The following PRSS12 variants were observed in gnomAD, a reference collection of about 807,000 sequenced individuals.
PRSS12 encodes the protein serine protease 12.
Under a neutral mutation model 104.4 loss-of-function variants are expected in PRSS12, and 85 were observed. The ratio of observed to expected loss-of-function variants is 0.81; its 90% CI spans 0.68 to 0.98. PRSS12 has a LOEUF of 0.98. Among genes scored for constraint, PRSS12 ranks in the 50% least tolerant of loss-of-function variants. The probability of loss-of-function intolerance (pLI) is 0.00; values close to 1 mark genes in which losing one functional copy is unlikely to be tolerated. For missense variants in PRSS12, 1,141 were observed against 1,139.2 expected (o/e 1.00, Z -0.02); for synonymous variants, 454 against 425.2 (o/e 1.07, Z -0.83).
At chr4:118,308,664 T>G in intron 7 of PRSS12, 87 bp from the exon 8 acceptor site, 1 of 1,524,634 alleles carries the variant, frequency 6.6e-7, no homozygotes, top group Non-Finnish European at 9.1e-7. Context: ...ACAATTGTTC[T>G]TTTTAATCAG....
At chr4:118,343,758 GA>G (rs1262712939) in intron 1 of PRSS12, among the ~76,000 whole-genome samples, 2 of 152,040 alleles carry the variant, frequency 1.3e-5, no homozygotes, top group Admixed American at 6.6e-5. Context: ...CCTGTGGGGG[GA>G]AAAAATGCAT....
Position 118,313,278 on chromosome 4 carries a change from C to A in PRSS12, c.1412G>T (p.Gly471Val). 6.2e-7 allele frequency: 1 copy of A among 1,614,104 alleles called. No individual in the cohort carries two copies. Among genetic ancestry groups the A allele is most frequent in the Non-Finnish European group, 8.5e-7 (1 of 1,180,016 alleles). Residue 471 changes from glycine to valine, a missense_variant, in exon 7 of 13, where the codon GGA (glycine) becomes GTA (valine). Physicochemically the swap from Gly to Val is moderately radical, Grantham distance 109 (BLOSUM62 -3). Transcript: ENST00000296498. ...RFLQCSRRQWGRHDCSHREDV... is the reference protein window; with the variant it reads ...RFLQCSRRQWVRHDCSHREDV... ...TTCGCGGTGGCTGCAGTCATGCCTT[C>A]CCCACTGTCGCCTGGAACACTGAAG... is the stretch of plus-strand genomic sequence containing the variant.
chr4:118,327,944 CATAA>C (rs1445825225), intron 4 of PRSS12, among the ~76,000 whole-genome samples: 13 of 152,306 alleles, frequency 8.5e-5, no homozygotes, highest in East Asian at 1.9e-4. Flanking sequence ...GACAGCATCT[CATAA>C]ATAAACTGTA....
intron 11 of PRSS12, among the ~76,000 whole-genome samples, chr4:118,292,832 T>C (rs1241269535): frequency 4.6e-5 from 7 of 152,020 alleles, no homozygotes; most frequent in Admixed American, 3.3e-4. Context: ...CTGGCCAACA[T>C]GGTAAAACCC....
rs1245504627 is a variant in PRSS12 at position 118,338,219 on chromosome 4, C to T, written c.598G>A (p.Asp200Asn). The part of the protein sequence containing the change: ...VWGTVCSSHW[D>N]DSDASVICHQ... ...CAAATGACTGATGCATCAGAATCAT[C>T]CCAGTGGCTGCTACAGACAGTGCCC... Residue 200 changes from aspartate (D) to asparagine (N), a missense_variant, in exon 2 of 13, where the codon GAT (aspartate) becomes AAT (asparagine). Coordinates refer to ENST00000296498, the MANE Select transcript of PRSS12 (RefSeq NM_003619.4). 18 of 1,613,922 alleles carry T rather than the reference C, an allele frequency of 1.1e-5. No individual in the cohort carries two copies. The highest frequency in any genetic ancestry group is 1.5e-5 in the Non-Finnish European group (18 of 1,179,956).
intron 11 of PRSS12, among the ~76,000 whole-genome samples, chr4:118,288,824 CTTAAT>C (rs1008553209): frequency 2.0e-5 from 3 of 152,156 alleles, no homozygotes; most frequent in Admixed American, 6.5e-5. Context: ...TACAAAAGAA[CTTAAT>C]TTAACAAAGT....
At chr4:118,318,834 T>C (rs148826069) in intron 4 of PRSS12, among the ~76,000 whole-genome samples, 216 of 152,318 alleles carry the variant, frequency 1.4e-3, no homozygotes, top group African/African-American at 4.7e-3. Context: ...ACAATGGCTA[T>C]CCAAAATTAA....
chr4:118,292,620 A>G (rs940781381), intron 11 of PRSS12, among the ~76,000 whole-genome samples: 15 of 152,176 alleles, frequency 9.9e-5, no homozygotes, highest in Non-Finnish European at 2.2e-4. Flanking sequence ...CTCAATAATT[A>G]TTTGTTAAGT....
At chr4:118,350,429 AT>A (rs1337986193) in intron 1 of PRSS12, among the ~76,000 whole-genome samples, 4 of 152,232 alleles carry the variant, frequency 2.6e-5, no homozygotes, top group African/African-American at 9.6e-5. Flanking sequence ...GGAGAAGTAA[AT>A]GATAGAATGA....
At chr4:118,348,429 C>T (rs905397737) in intron 1 of PRSS12, among the ~76,000 whole-genome samples, 1 of 152,150 alleles carries the variant, frequency 6.6e-6, no homozygotes, top group Non-Finnish European at 1.5e-5. Flanking sequence ...TTCTAATGCC[C>T]TTCCATGTGT....
intron 6 of PRSS12, among the ~76,000 whole-genome samples, chr4:118,314,309 CT>C (rs34959325): frequency 0.3 from 45,563 of 151,742 alleles, 7,222 homozygotes; most frequent in East Asian, 0.52. Context: ...GAATTTTCTT[CT>C]TTTTTTATGC....
At position 118,316,054 on chromosome 4, in the gene PRSS12, C is replaced by T. The variant is rs974949000; in HGVS notation, c.1292+128G>A. On this transcript the variant is annotated intron_variant, in intron 6 of 12. Transcript: ENST00000296498. ...AATGTCATTATTTTTCATTGTTGTA[C>T]TTCCATACACAGGTAGGAGAGAACA... 5 of 1,013,104 alleles carry T rather than the reference C, an allele frequency of 4.9e-6. No individual in the cohort carries two copies. The East Asian group carries it at 1.3e-4, about 27-fold the overall frequency. 62.8% of individuals were successfully genotyped at this position (1,013,104 alleles called of 1,614,324 possible). A position where few individuals can be genotyped will look rare whatever the true frequency, so the allele number is the denominator to read the frequency against.
rs1011589489 is a variant in PRSS12 at position 118,305,823 on chromosome 4, A to G, written c.1631+2613T>C. The G allele has an allele frequency of 6.6e-5, 10 of 151,938 alleles. No individual in the cohort carries two copies. The East Asian group carries it at 1.5e-3, about 23-fold the overall frequency. The allele number at this position is 151,938 out of a possible 1,614,324, so 9.4% of individuals were successfully genotyped here. On this transcript the variant is annotated intron_variant, in intron 8 of 12. Transcript: ENST00000296498. ...AATTTCCCATTTTCTTCTCCTCCCA[A>G]CCCCTGATAACCACCATTCTATTTC...
Position 118,352,665 on chromosome 4 carries a change from A to G in PRSS12, c.56T>C (p.Val19Ala), listed in dbSNP as rs772331683. The change falls in exon 1 of 13, where the codon GTC becomes GCC. Residue 19 changes from valine (V) to alanine (A), a missense_variant. Coordinates refer to ENST00000296498, the MANE Select transcript of PRSS12 (RefSeq NM_003619.4). ...ALMLGALPEV[V>A]GFDSVLNDSL... is the part of the protein sequence containing the mutation. ...ATCATTGAGGACAGAATCAAAGCCG[A>G]CCACTTCGGGGAGCGCCCCTAACAT... The G allele has an allele frequency of 5.0e-6, 8 of 1,613,228 alleles. No homozygotes were observed. Among genetic ancestry groups the G allele is most frequent in the Non-Finnish European group, 6.8e-6 (8 of 1,179,604 alleles).
intron 1 of PRSS12, among the ~76,000 whole-genome samples, chr4:118,347,672 T>C (rs1724392109): frequency 6.6e-6 from 1 of 152,106 alleles, no homozygotes; most frequent in Admixed American, 6.5e-5. Flanking sequence ...TATTGCAATC[T>C]ATCGTGTTTT....
At chr4:118,305,733 T>C (rs1743531601) in intron 8 of PRSS12, among the ~76,000 whole-genome samples, 1 of 152,172 alleles carries the variant, frequency 6.6e-6, no homozygotes, top group South Asian at 2.1e-4. Flanking sequence ...AGGTACTGTA[T>C]TGTACGGTAG....
chr4:118,307,878 G>T (rs1284252457), intron 8 of PRSS12, among the ~76,000 whole-genome samples: 1 of 151,286 alleles, frequency 6.6e-6, no homozygotes, highest in African/African-American at 2.4e-5. Flanking sequence ...GAAGTCATCA[G>T]CAAAGCAAGC....
At chr4:118,332,984 A>C (rs1229863951) in intron 3 of PRSS12, among the ~76,000 whole-genome samples, 1 of 152,168 alleles carries the variant, frequency 6.6e-6, no homozygotes, top group Non-Finnish European at 1.5e-5. Context: ...AGAGATTATC[A>C]AAAAACCCTA....
Position 118,297,928 on chromosome 4 carries a change from A to T in PRSS12, c.1837+805T>A, listed in dbSNP as rs552075981. Among the ~76,000 whole-genome samples the T allele has an allele frequency of 2.0e-5, 3 of 152,270 alleles. No homozygotes were observed. The South Asian group carries it at 6.2e-4, about 32-fold the overall frequency. On this transcript the variant is annotated intron_variant, in intron 9 of 12. Coordinates refer to ENST00000296498, the MANE Select transcript of PRSS12 (RefSeq NM_003619.4). ...TGAGGTGGGCGGATCATCTGAGGTCAGGAGTTCTAGACCAGCCTAGACAAC... is the reference window on the plus strand; with the variant it reads ...TGAGGTGGGCGGATCATCTGAGGTCTGGAGTTCTAGACCAGCCTAGACAAC...
Sources: gnomAD v4.1 joint callset for allele counts (sites outside exome capture counted in the v4.1 genomes callset) on GRCh38, gnomAD v4.1.1 for gene constraint, MANE v1.5 for transcripts, NCBI Gene and HGNC (gene_info 2026-07-23, HGNC 2026-07-21) for gene names.